CTNNA3: variants seen among roughly 807,000 people sequenced by gnomAD.
The protein encoded by CTNNA3 is catenin alpha-3.
A neutral mutation model predicts 95.7 loss-of-function variants in CTNNA3; 76 were observed. The ratio of observed to expected loss-of-function variants is 0.79; its 90% CI spans 0.66 to 0.96. The LOEUF is 0.96. Among genes scored for constraint, CTNNA3 ranks in the 40% least tolerant of loss-of-function variants. The pLI is 0.00. For synonymous variants in CTNNA3, 431 were observed against 374.4 expected, an observed-to-expected ratio of 1.15 and a Z score of -1.74; for missense variants, 1,191 against 1,089.8, an observed-to-expected ratio of 1.09 and a Z score of -1.31.
intron 17 of CTNNA3, among the ~76,000 whole-genome samples, chr10:65,947,090 G>GTT (rs57602080): frequency 4.0e-4 from 58 of 143,640 alleles, no homozygotes; most frequent in Non-Finnish European, 6.3e-4. Context: ...TCTTTTGTTT[G>GTT]TTTTTTTTTT....
chr10:66,149,801 G>T (rs191518311), intron 13 of CTNNA3, among the ~76,000 whole-genome samples: 47 of 151,798 alleles, frequency 3.1e-4, no homozygotes, highest in Admixed American at 7.2e-4. Flanking sequence ...CATTTTTATA[G>T]TCTTTCACTT....
chr10:65,973,383 A>G (rs1403318066), intron 16 of CTNNA3, among the ~76,000 whole-genome samples: 3 of 152,188 alleles, frequency 2.0e-5, no homozygotes, highest in African/African-American at 4.8e-5. Flanking sequence ...CTGCATAGCA[A>G]CAAACTATCA....
At chr10:66,151,294 A>G (rs1240339667) in intron 13 of CTNNA3, among the ~76,000 whole-genome samples, 1 of 152,002 alleles carries the variant, frequency 6.6e-6, no homozygotes, top group African/African-American at 2.4e-5. Flanking sequence ...CTGAGATAAG[A>G]TAAAGTTTTC....
At chr10:66,938,907 C>A (rs1456548316) in intron 7 of CTNNA3, among the ~76,000 whole-genome samples, 3 of 152,128 alleles carry the variant, frequency 2.0e-5, no homozygotes, top group African/African-American at 7.2e-5. Flanking sequence ...TGTTTAAAAG[C>A]CATACATTTG....
At chr10:66,809,681 G>T (rs951611033) in intron 7 of CTNNA3, among the ~76,000 whole-genome samples, 1 of 152,066 alleles carries the variant, frequency 6.6e-6, no homozygotes, top group Non-Finnish European at 1.5e-5. Flanking sequence ...TTATATTAAA[G>T]GATCAATCTT....
intron 13 of CTNNA3, among the ~76,000 whole-genome samples, chr10:66,179,238 T>TACTA (rs2085904555): frequency 6.6e-6 from 1 of 151,968 alleles, no homozygotes; most frequent in African/African-American, 2.4e-5. Context: ...AAAACGAACC[T>TACTA]ACTAACGTAT....
chr10:66,879,435 T>C (rs144245231), intron 7 of CTNNA3, among the ~76,000 whole-genome samples: 118 of 152,198 alleles, frequency 7.8e-4, no homozygotes, highest in Middle Eastern at 3.4e-3. Flanking sequence ...GGAACCAAAG[T>C]CTATGGATCG....
chr10:67,115,274 T>C (rs916585889), intron 7 of CTNNA3, among the ~76,000 whole-genome samples: 19 of 151,326 alleles, frequency 1.3e-4, no homozygotes, highest in African/African-American at 4.4e-4. Flanking sequence ...AAAAATGAGA[T>C]AGACAGATTC....
At position 67,123,648 on chromosome 10, in the gene CTNNA3, T is replaced by C. The variant is rs1026495530; in HGVS notation, c.1047+56669A>G. On this transcript the variant is annotated intron_variant, in intron 7 of 17. Transcript: ENST00000433211. ...GTAACAACCTTGGAGCATTGCAAAA[T>C]GTTCAATTATAAAAGATAAAGTAAA... Among the ~76,000 whole-genome samples, 8 of 152,246 alleles carry C rather than the reference T, an allele frequency of 5.3e-5. No homozygotes were observed. The East Asian group carries it at 1.5e-3, about 29-fold the overall frequency.
intron 7 of CTNNA3, chr10:67,012,885 A>T (rs1373544508): frequency 6.6e-6 from 1 of 152,140 alleles, no homozygotes; most frequent in Non-Finnish European, 1.5e-5. Flanking sequence ...AGCTCCATGA[A>T]CATAAAGCAA....
intron 14 of CTNNA3, among the ~76,000 whole-genome samples, chr10:66,087,254 T>C (rs2081019272): frequency 6.6e-6 from 1 of 152,078 alleles, no homozygotes; most frequent in Non-Finnish European, 1.5e-5. Flanking sequence ...CCCAGAAACA[T>C]ACTTGGGGAC....
chr10:66,176,848 C>T, intron 13 of CTNNA3, among the ~76,000 whole-genome samples: 1 of 152,014 alleles, frequency 6.6e-6, no homozygotes. Context: ...TTTGTTACAG[C>T]AGCCCAAACA....
chr10:66,725,643 AGACG>A (rs1848757704), intron 9 of CTNNA3, among the ~76,000 whole-genome samples: 1 of 152,244 alleles, frequency 6.6e-6, no homozygotes, highest in African/African-American at 2.4e-5. Flanking sequence ...AAATCTTCCC[AGACG>A]GACAGTTGTT....
At chr10:67,277,510 A>C (rs1317149608) in intron 5 of CTNNA3, among the ~76,000 whole-genome samples, 4 of 152,172 alleles carry the variant, frequency 2.6e-5, no homozygotes, top group African/African-American at 9.6e-5. Flanking sequence ...CCTTTGAACC[A>C]GAGCAACTTC....
At chr10:67,163,594 C>T (rs901345218) in intron 7 of CTNNA3, among the ~76,000 whole-genome samples, 25 of 151,968 alleles carry the variant, frequency 1.6e-4, no homozygotes, top group South Asian at 2.1e-4. Flanking sequence ...ACCACACTTA[C>T]GCACCATATT....
chr10:67,466,000 AT>A (rs1196978626), intron 5 of CTNNA3, among the ~76,000 whole-genome samples: 1 of 152,086 alleles, frequency 6.6e-6, no homozygotes, highest in South Asian at 2.1e-4. Flanking sequence ...CTGTCAGGTT[AT>A]TTTTTATTTG....
chr10:66,782,464 A>G (rs1209905139), intron 7 of CTNNA3, among the ~76,000 whole-genome samples: 3 of 152,196 alleles, frequency 2.0e-5, no homozygotes, highest in Non-Finnish European at 4.4e-5. Context: ...CATTCTCTGT[A>G]TCACCTTTTC....
intron 5 of CTNNA3, among the ~76,000 whole-genome samples, chr10:67,490,527 T>C (rs955694778): frequency 4.6e-5 from 7 of 152,178 alleles, no homozygotes; most frequent in African/African-American, 1.7e-4. Context: ...GCATGGAATT[T>C]CTCACCCTTC....
intron 13 of CTNNA3, among the ~76,000 whole-genome samples, chr10:66,123,058 CA>C (rs1411483585): frequency 6.6e-6 from 1 of 152,180 alleles, no homozygotes; most frequent in East Asian, 1.9e-4. Flanking sequence ...GCCTTCCCAG[CA>C]GTCCACAAAA....
Sources: gnomAD v4.1 joint callset for allele counts (sites outside exome capture counted in the v4.1 genomes callset) on GRCh38, gnomAD v4.1.1 for gene constraint, MANE v1.5 for transcripts, NCBI Gene and HGNC (gene_info 2026-07-23, HGNC 2026-07-21) for gene names.